CEP43: variants seen among roughly 807,000 people sequenced by gnomAD.
CEP43 encodes centrosomal protein 43, also known as FGFR1 oncogene partner.
In CEP43, 36 loss-of-function variants were observed where a neutral mutation model predicts 52.6. The observed-to-expected ratio is 0.68, with a 90% CI of 0.52 to 0.90. The LOEUF (loss-of-function observed/expected upper bound fraction) is 0.90, where lower values mean the gene tolerates loss of function less well. Among genes scored for constraint, CEP43 ranks in the 40% least tolerant of loss-of-function variants. CEP43 has a pLI of 0.00. For missense variants in CEP43, 506 were observed against 472.8 expected, an observed-to-expected ratio of 1.07 and a Z score of -0.65; for synonymous variants, 192 against 172.4, an observed-to-expected ratio of 1.11 and a Z score of -0.89.
intron 8 of CEP43, 112 bp from the exon 9 acceptor site, chr6:167,024,670 C>T (rs1185018901): frequency 1.3e-6 from 1 of 752,282 alleles, no homozygotes; most frequent in South Asian, 1.8e-5. Flanking sequence ...TCTTGATTTC[C>T]AGCCACCACA....
chr6:167,026,094 G>C (rs1780349099), intron 9 of CEP43, among the ~76,000 whole-genome samples: 1 of 152,242 alleles, frequency 6.6e-6, no homozygotes, highest in Non-Finnish European at 1.5e-5. Context: ...GCTGGGTGCA[G>C]TGGCTCACGC....
chr6:167,019,847 T>C (rs1001510893), intron 7 of CEP43, among the ~76,000 whole-genome samples: 2 of 152,204 alleles, frequency 1.3e-5, no homozygotes, highest in South Asian at 4.1e-4. Flanking sequence ...CAGTGTGAAT[T>C]CTTGGGGAAA....
chr6:167,049,640 T>C lies in CEP43; in HGVS notation c.*9662T>C, dbSNP rs1309491216. ...TGGACATTTGGGTTGTTTCCACTTTTTCTGCTGTTGTGAATAACAGTGCTA... is the reference window on the plus strand; with the variant it reads ...TGGACATTTGGGTTGTTTCCACTTTCTCTGCTGTTGTGAATAACAGTGCTA... On this transcript the variant is annotated 3_prime_UTR_variant, in exon 13 of 13. Coordinates refer to ENST00000366847, the MANE Select transcript of CEP43 (RefSeq NM_007045.4). 1 of 152,268 alleles carries C rather than the reference T, an allele frequency of 6.6e-6. No individual in the cohort carries two copies. Among genetic ancestry groups the C allele is most frequent in the Non-Finnish European group, 1.5e-5 (1 of 68,048 alleles). 9.4% of individuals were successfully genotyped at this position (152,268 alleles called of 1,614,324 possible). A position where few individuals can be genotyped will look rare whatever the true frequency, so the allele number is the denominator to read the frequency against.
Position 167,024,831 on chromosome 6 carries a change from G to GCACCCCC in CEP43, c.858_864dup (p.Leu289ThrfsTer20). The GCACCCCC allele has an allele frequency of 6.2e-7, 1 of 1,613,106 alleles. No homozygotes were observed. Among genetic ancestry groups the GCACCCCC allele is most frequent in the Non-Finnish European group, 8.5e-7 (1 of 1,179,432 alleles). On this transcript the variant is annotated frameshift_variant, in exon 9 of 13. Transcript: ENST00000366847. LOFTEE classifies it high-confidence loss of function. ...AGGAAGTCTGGCCTCGCTCTCGGAT[G>GCACCCCC]CACCCCCCTTAAAAAGTGGACTCAG... is the stretch of plus-strand genomic sequence containing the variant.
At chr6:167,022,757 C>A in intron 8 of CEP43, 122 bp downstream of exon 8, 2 of 705,012 alleles carry the variant, frequency 2.8e-6, no homozygotes, top group Non-Finnish European at 4.7e-6. Context: ...ATAAATCTGA[C>A]TATGCGTTGT....
At chr6:167,028,508 G>A (rs1780400424) in intron 10 of CEP43, 1 of 984,852 alleles carries the variant, frequency 1.0e-6, no homozygotes, top group Admixed American at 6.1e-5. Context: ...TTGCAACAAT[G>A]TTGTTTTCTG....
At chr6:166,999,812 C>T (rs1779687035) in intron 1 of CEP43, 1 of 555,744 alleles carries the variant, frequency 1.8e-6, no homozygotes, top group South Asian at 2.3e-5. Flanking sequence ...GCAGCTGGGC[C>T]CTGGAGTGCG....
chr6:167,040,598 A>T lies in CEP43; in HGVS notation c.*620A>T, dbSNP rs1357415893. 4.8e-6 allele frequency: 5 copies of T among 1,047,796 alleles called. No individual in the cohort carries two copies. Among genetic ancestry groups the T allele is most frequent in the Non-Finnish European group, 5.8e-6 (5 of 866,088 alleles). 64.9% of individuals were successfully genotyped at this position (1,047,796 alleles called of 1,614,324 possible). A position where few individuals can be genotyped will look rare whatever the true frequency, so the allele number is the denominator to read the frequency against. On this transcript the variant is annotated 3_prime_UTR_variant, in exon 13 of 13. Coordinates refer to ENST00000366847, the MANE Select transcript of CEP43 (RefSeq NM_007045.4). ...GTGCTATTTAGTTTTGCTTGTTTTAAAGAAATCTAGAAGTGGTTATGAGTT... is the reference window on the plus strand; with the variant it reads ...GTGCTATTTAGTTTTGCTTGTTTTATAGAAATCTAGAAGTGGTTATGAGTT...
intron 12 of CEP43, among the ~76,000 whole-genome samples, chr6:167,038,258 C>T (rs749296033): frequency 2.0e-5 from 3 of 152,272 alleles, no homozygotes; most frequent in East Asian, 1.9e-4. Context: ...TTTGTGAACC[C>T]GGGGCTGGGA....
At chr6:167,006,547 C>T (rs919217964) in intron 5 of CEP43, among the ~76,000 whole-genome samples, 1 of 148,634 alleles carries the variant, frequency 6.7e-6, no homozygotes, top group African/African-American at 2.5e-5. Flanking sequence ...GGATAAAATA[C>T]AACAAAAGAA....
At chr6:167,012,149 C>A (rs781307283) in intron 6 of CEP43, among the ~76,000 whole-genome samples, 1 of 152,112 alleles carries the variant, frequency 6.6e-6, no homozygotes, top group Non-Finnish European at 1.5e-5. Context: ...TTATACTACA[C>A]GATACCTTTC....
In CEP43 at chr6:167,024,907, A is replaced by C; in HGVS notation, c.919+13A>C. The C allele has an allele frequency of 7.3e-7, 1 of 1,370,476 alleles. No individual in the cohort carries two copies. The highest frequency in any genetic ancestry group is 1.0e-6 in the Non-Finnish European group (1 of 969,078). The allele number at this position is 1,370,476 out of a possible 1,614,324, so 84.9% of individuals were successfully genotyped here. ...AAAGACTCTGAGAGTAAGTGCCCAA[A>C]GATGTGGACTTCAATACTCGGGATA... On this transcript the variant is annotated intron_variant, in intron 9 of 12. Transcript: ENST00000366847.
intron 12 of CEP43, among the ~76,000 whole-genome samples, chr6:167,038,503 A>G (rs563801426): frequency 5.3e-4 from 80 of 152,362 alleles, no homozygotes; most frequent in African/African-American, 1.9e-3. Flanking sequence ...CAATTCATAG[A>G]GTGATACTTC....
intron 7 of CEP43, among the ~76,000 whole-genome samples, chr6:167,014,751 G>GT (rs970384378): frequency 7.9e-5 from 12 of 151,924 alleles, no homozygotes; most frequent in Non-Finnish European, 1.5e-4. Flanking sequence ...GATTTAGTAA[G>GT]TTTTTTTTAA....
In CEP43 at chr6:167,044,621, C is replaced by A; in HGVS notation, c.*4643C>A. The A allele has an allele frequency of 1.2e-6, 1 of 863,534 alleles. No individual in the cohort carries two copies. Among genetic ancestry groups the A allele is most frequent in the Non-Finnish European group, 1.4e-6 (1 of 718,736 alleles). The allele number at this position is 863,534 out of a possible 1,614,324, so 53.5% of individuals were successfully genotyped here. On this transcript the variant is annotated 3_prime_UTR_variant, in exon 13 of 13. Coordinates refer to ENST00000366847, the MANE Select transcript of CEP43 (RefSeq NM_007045.4). ...TGAATGTGAAATTTATTCCCTGATA[C>A]ATGTTTTTAAAAATGAATCTTGCTG...
intron 7 of CEP43, among the ~76,000 whole-genome samples, chr6:167,016,995 T>C (rs867834499): frequency 2.0e-5 from 3 of 150,208 alleles, no homozygotes; most frequent in Non-Finnish European, 4.4e-5. Flanking sequence ...TATTTATTTT[T>C]TTTTTTTTTT....
intron 12 of CEP43, among the ~76,000 whole-genome samples, chr6:167,034,341 G>A (rs1780537549): frequency 6.6e-6 from 1 of 152,196 alleles, no homozygotes; most frequent in Non-Finnish European, 1.5e-5. Context: ...AGCCTGGAGT[G>A]CAGAGAGTGT....
chr6:167,019,285 CCTG>C (rs984663055), intron 7 of CEP43, among the ~76,000 whole-genome samples: 16 of 148,100 alleles, frequency 1.1e-4, no homozygotes, highest in Middle Eastern at 3.2e-3. Context: ...CACACATACA[CCTG>C]CTGTGCACAC....
At chr6:167,027,719 A>G (rs1458741239) in intron 10 of CEP43, 5 of 261,610 alleles carry the variant, frequency 1.9e-5, no homozygotes, top group Non-Finnish European at 3.0e-5. Flanking sequence ...CTCATCTGTT[A>G]AGTGGAACTA....
Sources: gnomAD v4.1 joint callset for allele counts (sites outside exome capture counted in the v4.1 genomes callset) on GRCh38, gnomAD v4.1.1 for gene constraint, MANE v1.5 for transcripts, NCBI Gene and HGNC (gene_info 2026-07-23, HGNC 2026-07-21) for gene names.